ABHD5: variants seen among roughly 807,000 people sequenced by gnomAD.
The protein encoded by ABHD5 is abhydrolase domain containing 5, lysophosphatidic acid acyltransferase, also known as 1-acylglycerol-3-phosphate O-acyltransferase ABHD5.
A neutral mutation model predicts 44.9 loss-of-function variants in ABHD5; 30 were observed. The observed-to-expected ratio is 0.67, with a 90% CI of 0.50 to 0.91. ABHD5 has a LOEUF of 0.91. ABHD5 is among the 40% of genes least tolerant of loss of function. The pLI, the probability that ABHD5 is intolerant of heterozygous loss-of-function variation, is 0.00. For synonymous variants in ABHD5, 167 were observed against 147.0 expected (o/e 1.14, Z -0.99); for missense variants, 399 against 423.4 (o/e 0.94, Z 0.50).
Position 43,718,464 on chromosome 3 carries a change from T to G in ABHD5, c.982T>G (p.Tyr328Asp). ...KTIAILGAGH[Y>D]VYADQPEEFN... ...CCAGGCTATTCTTGGGGCAGGACAT[T>G]ATGTATATGCAGATCAACCAGAAGA... Residue 328 changes from tyrosine (Y) to aspartate (D), a missense_variant, in exon 7 of 7, where the codon TAT (tyrosine) becomes GAT (aspartate). Coordinates refer to ENST00000644371, the MANE Select transcript of ABHD5 (RefSeq NM_016006.6). 2 of 1,614,132 alleles carry G rather than the reference T, an allele frequency of 1.2e-6. No homozygotes were observed. Among genetic ancestry groups the G allele is most frequent in the Non-Finnish European group, 1.7e-6 (2 of 1,180,000 alleles).
In ABHD5 at chr3:43,702,336, A is replaced by G; in HGVS notation, c.255A>G (p.Gly85=). The G allele has an allele frequency of 6.2e-7, 1 of 1,613,206 alleles. No homozygotes were observed. Among genetic ancestry groups the G allele is most frequent in the Non-Finnish European group, 8.5e-7 (1 of 1,179,186 alleles). The part of the protein sequence containing the change: ...KTPLVLLHGF[G]GGLGLWALNF... ...CACTTGTCCTTCTCCATGGTTTTGGAGGAGGTCTTGGGCTCTGGGCACTGA... is the reference window on the plus strand; with the variant it reads ...CACTTGTCCTTCTCCATGGTTTTGGGGGAGGTCTTGGGCTCTGGGCACTGA... Residue 85 remains glycine, a synonymous_variant, in exon 3 of 7, where the codon GGA becomes GGG. Transcript: ENST00000644371.
chr3:43,724,761 C>T (rs2084867071), downstream of ABHD5, among the ~76,000 whole-genome samples: 1 of 152,076 alleles, frequency 6.6e-6, no homozygotes, highest in African/African-American at 2.4e-5. Context: ...AGTGTGTCTA[C>T]AAAGTTACAT....
At chr3:43,696,565 A>G (rs1004171110) in intron 1 of ABHD5, among the ~76,000 whole-genome samples, 1 of 152,202 alleles carries the variant, frequency 6.6e-6, no homozygotes, top group Non-Finnish European at 1.5e-5. Flanking sequence ...TGGATGGGTA[A>G]GTTTTAAAGG....
intron 5 of ABHD5, 82 bp downstream of exon 5, chr3:43,715,140 T>C (rs1003945862): frequency 9.3e-6 from 9 of 968,070 alleles, no homozygotes; most frequent in African/African-American, 3.3e-5. Flanking sequence ...TTTTAGACTA[T>C]TTTTTTTAAA....
rs2084824423 is a variant in ABHD5 at position 43,720,644 on chromosome 3, T to C, written c.*2112T>C. ...ATCTAGTACAGCATTTGATCTTTGT[T>C]ATGCACAGCATACTTTTATTTTACA... is the stretch of plus-strand genomic sequence containing the variant. On this transcript the variant is annotated 3_prime_UTR_variant, in exon 7 of 7. Coordinates refer to ENST00000644371, the MANE Select transcript of ABHD5 (RefSeq NM_016006.6). The C allele has an allele frequency of 6.6e-6, 1 of 152,232 alleles. No individual in the cohort carries two copies. The highest frequency in any genetic ancestry group is 2.1e-4 in the South Asian group (1 of 4,828). The allele number at this position is 152,232 out of a possible 1,614,324, so 9.4% of individuals were successfully genotyped here.
At position 43,721,169 on chromosome 3, in the gene ABHD5, C is replaced by T. The variant is rs2084831356; in HGVS notation, c.*2637C>T. 6.6e-6 allele frequency: 1 copy of T among 151,872 alleles called. No individual in the cohort carries two copies. The highest frequency in any genetic ancestry group is 6.6e-5 in the Admixed American group (1 of 15,242). The allele number at this position is 151,872 out of a possible 1,614,324, so 9.4% of individuals were successfully genotyped here. ...TATGAGAAAGTCTAGGAATTTAGTA[C>T]ATGATAAAGCATCTCATTCAGAGAA... is the stretch of plus-strand genomic sequence containing the variant. On this transcript the variant is annotated 3_prime_UTR_variant, in exon 7 of 7. Coordinates refer to ENST00000644371, the MANE Select transcript of ABHD5 (RefSeq NM_016006.6).
At chr3:43,726,301 C>T (rs533617288), downstream of ABHD5, among the ~76,000 whole-genome samples, 11 of 152,224 alleles carry the variant, frequency 7.2e-5, no homozygotes, top group Non-Finnish European at 1.3e-4. Context: ...TACCATATTT[C>T]TGTCGGGACT....
chr3:43,703,364 A>G (rs1299535434), intron 3 of ABHD5, among the ~76,000 whole-genome samples: 2 of 152,060 alleles, frequency 1.3e-5, no homozygotes, highest in Non-Finnish European at 2.9e-5. Flanking sequence ...GTTTTAGTAG[A>G]GATGGGGTTT....
intron 2 of ABHD5, 182 bp downstream of exon 2, chr3:43,699,543 C>G (rs1437425785): frequency 3.1e-6 from 2 of 638,290 alleles, no homozygotes; most frequent in Non-Finnish European, 5.4e-6. Flanking sequence ...GGTAGGAGTT[C>G]TAAAACTTTT....
At chr3:43,723,580 G>C (rs551140096), downstream of ABHD5, among the ~76,000 whole-genome samples, 2 of 152,312 alleles carry the variant, frequency 1.3e-5, no homozygotes, top group Non-Finnish European at 2.9e-5. Context: ...GTTGAATTAT[G>C]ATGAATTACT....
upstream of ABHD5, chr3:43,690,910 T>C (rs887001013): frequency 2.8e-6 from 4 of 1,446,084 alleles, no homozygotes; most frequent in African/African-American, 4.4e-5. Flanking sequence ...TGCGCCGCCT[T>C]AAGTGCCGCG....
Position 43,718,765 on chromosome 3 carries a change from T to C in ABHD5, c.*233T>C. On this transcript the variant is annotated 3_prime_UTR_variant, in exon 7 of 7. Transcript: ENST00000644371. ...ATTGAAATATACAAGTCTCTAAATA[T>C]AATACCTTTAAATAAAAGGTTATTT... is the stretch of plus-strand genomic sequence containing the variant. 2 of 482,214 alleles carry C rather than the reference T, an allele frequency of 4.1e-6. No individual in the cohort carries two copies. The highest frequency in any genetic ancestry group is 5.5e-5 in the South Asian group (2 of 36,510). 29.9% of individuals were successfully genotyped at this position (482,214 alleles called of 1,614,324 possible).
intron 3 of ABHD5, among the ~76,000 whole-genome samples, chr3:43,703,282 C>T (rs1188298696): frequency 6.6e-6 from 1 of 151,122 alleles, no homozygotes; most frequent in Non-Finnish European, 1.5e-5. Context: ...CAGGCCCAAG[C>T]AATTCTTCTG....
intron 1 of ABHD5, 34 bp downstream of exon 1, chr3:43,691,073 C>G (rs765331652): frequency 1.3e-6 from 2 of 1,515,334 alleles, no homozygotes; most frequent in African/African-American, 2.9e-5. Flanking sequence ...TCGTGTGTCT[C>G]CGGCGCGCAC....
chr3:43,711,969 C>A (rs760984954), intron 4 of ABHD5, 106 bp downstream of exon 4: 611 of 1,488,624 alleles, frequency 4.1e-4, no homozygotes, highest in Non-Finnish European at 2.8e-4. Flanking sequence ...AACCCTGAAC[C>A]CTTACTTTTT....
chr3:43,718,201 G>A (rs1459174724), intron 6 of ABHD5, among the ~76,000 whole-genome samples: 1 of 152,124 alleles, frequency 6.6e-6, no homozygotes, highest in Non-Finnish European at 1.5e-5. Flanking sequence ...ACTTTTATTA[G>A]TGGTCAATTT....
chr3:43,690,978 T>A lies in ABHD5; in HGVS notation c.-15T>A. The stretch of plus-strand genomic sequence containing the variant: ...CGGCTTCGAGATAAGTCCCGGCGCT[T>A]GCGCGGCGGCGGCTATGGCGGCGGA... On this transcript the variant is annotated 5_prime_UTR_variant, in exon 1 of 7. Transcript: ENST00000644371. 6.4e-7 allele frequency: 1 copy of A among 1,570,708 alleles called. No homozygotes were observed. The highest frequency in any genetic ancestry group is 8.6e-7 in the Non-Finnish European group (1 of 1,161,904).
chr3:43,717,272 C>T (rs890234140), intron 5 of ABHD5, among the ~76,000 whole-genome samples: 1 of 152,042 alleles, frequency 6.6e-6, no homozygotes, highest in Non-Finnish European at 1.5e-5. Context: ...GTCTGAGTTT[C>T]TTCTTAACTT....
At chr3:43,691,171 C>T (rs1463951731) in intron 1 of ABHD5, 132 bp downstream of exon 1, 3 of 914,312 alleles carry the variant, frequency 3.3e-6, no homozygotes, top group Non-Finnish European at 4.4e-6. Context: ...CTCGACCCTC[C>T]CCGGCATGAG....
Sources: allele counts gnomAD v4.1 joint callset (sites outside exome capture counted in the v4.1 genomes callset), GRCh38; gene constraint gnomAD v4.1.1; transcripts MANE v1.5; gene names NCBI Gene and HGNC (gene_info 2026-07-23, HGNC 2026-07-21).